PCDHGB2: variants seen among roughly 807,000 people sequenced by gnomAD.
PCDHGB2 encodes the protein protocadherin gamma subfamily B, 2.
Under a neutral mutation model 59.3 loss-of-function variants are expected in PCDHGB2, and 55 were observed. The ratio of observed to expected loss-of-function variants is 0.93; its 90% CI spans 0.75 to 1.16. PCDHGB2 has a LOEUF of 1.16. PCDHGB2 is among the 50% of genes most tolerant of loss of function. PCDHGB2 has a pLI of 0.00. For synonymous variants in PCDHGB2, 516 were observed against 512.0 expected (o/e 1.01, Z -0.11); for missense variants, 1,228 against 1,198.5 (o/e 1.02, Z -0.36).
rs202006594 is a variant in PCDHGB2, at chr5:141,477,618, C to A, written c.2422-17189C>A. 15 of 1,614,176 alleles carry A rather than the reference C, an allele frequency of 9.3e-6. No homozygotes were observed. The African/African-American group carries it at 1.3e-4, about 14-fold the overall frequency. ...TCTTTCTTTCTCTTGGAGCAAGGAGCTGAAACCGGGCTAGTGGGTCGCTAT... is the reference window on the plus strand; with the variant it reads ...TCTTTCTTTCTCTTGGAGCAAGGAGATGAAACCGGGCTAGTGGGTCGCTAT... On this transcript the variant is annotated intron_variant, in intron 1 of 3. Coordinates refer to ENST00000522605, the MANE Select transcript of PCDHGB2 (RefSeq NM_018923.3). The surrounding 1 kb of genome is among the most constrained non-coding windows in gnomAD (Gnocchi z 4.9).
At position 141,477,290 on chromosome 5, in the gene PCDHGB2, C is replaced by T; in HGVS notation, c.2422-17517C>T. 5 of 1,614,158 alleles carry T rather than the reference C, an allele frequency of 3.1e-6. No individual in the cohort carries two copies. In the South Asian group the frequency reaches 5.5e-5, roughly 18 times the overall value. On this transcript the variant is annotated intron_variant, in intron 1 of 3. Coordinates refer to ENST00000522605, the MANE Select transcript of PCDHGB2 (RefSeq NM_018923.3). The surrounding 1 kb of genome is among the most constrained non-coding windows in gnomAD (Gnocchi z 4.9). ...GAACGGGCTGGTGACCTGCGAAGTT[C>T]CACCGGGTCTCCCTTTCAGCCTTAC...
Position 141,397,017 on chromosome 5 carries a change from G to T in PCDHGB2, c.2421+34461G>T, listed in dbSNP as rs149652099. On this transcript the variant is annotated intron_variant, in intron 1 of 3. Transcript: ENST00000522605. ...TAATCTGACAAATGGACTAAAGAAG[G>T]TTGACCAATGTCCACAAATTTATGT... Among the ~76,000 whole-genome samples, 399 of 152,296 alleles carry T rather than the reference G, an allele frequency of 2.6e-3. 1 individual carries two copies. Among genetic ancestry groups the T allele is most frequent in the Non-Finnish European group, 4.1e-3 (279 of 68,028 alleles).
At chr5:141,420,722 A>G (rs1428516588) in intron 1 of PCDHGB2, among the ~76,000 whole-genome samples, 1 of 152,226 alleles carries the variant, frequency 6.6e-6, no homozygotes, top group African/African-American at 2.4e-5. Context: ...CGTTCCTTTC[A>G]GTCGGTTAAA....
chr5:141,382,954 C>T, intron 1 of PCDHGB2: 1 of 1,604,450 alleles, frequency 6.2e-7, no homozygotes, highest in East Asian at 2.2e-5. Flanking sequence ...GCTCTCCATC[C>T]TCCTGGGGAC....
intron 1 of PCDHGB2, chr5:141,420,333 A>G (rs778366534): frequency 2.1e-6 from 3 of 1,402,720 alleles, no homozygotes; most frequent in Non-Finnish European, 2.9e-6. Flanking sequence ...ATATATTCCA[A>G]TATAGTGGTA....
rs753372015 is a variant in PCDHGB2 at position 141,422,180 on chromosome 5, T to C, written c.2421+59624T>C. The stretch of plus-strand genomic sequence containing the variant: ...TTTGAAAAATATAGATTCTATGAGA[T>C]GGAAATTCAAGGCCAAGATGGTGGA... On this transcript the variant is annotated intron_variant, in intron 1 of 3. Coordinates refer to ENST00000522605, the MANE Select transcript of PCDHGB2 (RefSeq NM_018923.3). 1.1e-5 allele frequency: 17 copies of C among 1,562,190 alleles called. No homozygotes were observed. In the African/African-American group the frequency reaches 1.9e-4, roughly 18 times the overall value.
intron 1 of PCDHGB2, among the ~76,000 whole-genome samples, chr5:141,382,008 T>C (rs2150196645): frequency 6.6e-6 from 1 of 151,992 alleles, no homozygotes; most frequent in Middle Eastern, 3.4e-3. Context: ...TTTGTATTTT[T>C]AGTAGAGACG....
intron 1 of PCDHGB2, among the ~76,000 whole-genome samples, chr5:141,461,100 T>C (rs926482549): frequency 1.1e-4 from 16 of 152,062 alleles, no homozygotes; most frequent in African/African-American, 3.6e-4. Context: ...TATAAACATA[T>C]GTGTCCAAGT....
At position 141,414,415 on chromosome 5, in the gene PCDHGB2, C is replaced by T. The variant is rs769791452; in HGVS notation, c.2421+51859C>T. ...TTACAGATTGGTGATACACAGAGCC[C>T]TTGACAGGGAACAGGTATCCTCTTA... On this transcript the variant is annotated intron_variant, in intron 1 of 3. Coordinates refer to ENST00000522605, the MANE Select transcript of PCDHGB2 (RefSeq NM_018923.3). The T allele has an allele frequency of 2.5e-6, 4 of 1,613,758 alleles. No individual in the cohort carries two copies. Among genetic ancestry groups the T allele is most frequent in the Non-Finnish European group, 8.5e-7 (1 of 1,179,880 alleles).
intron 1 of PCDHGB2, chr5:141,394,982 C>G (rs754667421): frequency 2.7e-5 from 44 of 1,613,866 alleles, no homozygotes; most frequent in Non-Finnish European, 3.6e-5. Context: ...ACAAGTCACG[C>G]CTGCTCCAGG....
At chr5:141,370,842 G>A in intron 1 of PCDHGB2, 1 of 1,614,058 alleles carries the variant, frequency 6.2e-7, no homozygotes, top group Non-Finnish European at 8.5e-7. Context: ...TCTCACTGGA[G>A]CCACATTTGC....
chr5:141,508,599 G>T lies in PCDHGB2; in HGVS notation c.2570-2348G>T, dbSNP rs948748985. On this transcript the variant is annotated intron_variant, in intron 3 of 3. Coordinates refer to ENST00000522605, the MANE Select transcript of PCDHGB2 (RefSeq NM_018923.3). ...CTCGGGGTGCTACTCAGAGATCTTGGGTGCACATAGGACGTGGGTGGGCCG... is the reference window on the plus strand; with the variant it reads ...CTCGGGGTGCTACTCAGAGATCTTGTGTGCACATAGGACGTGGGTGGGCCG... Among the ~76,000 whole-genome samples the T allele has an allele frequency of 3.9e-5, 6 of 152,212 alleles. No individual in the cohort carries two copies. The South Asian group carries it at 1.2e-3, about 32-fold the overall frequency.
Position 141,461,919 on chromosome 5 carries a change from G to T in PCDHGB2, c.2422-32888G>T, listed in dbSNP as rs10060711. On this transcript the variant is annotated intron_variant, in intron 1 of 3. Transcript: ENST00000522605. Reference sequence around the variant, plus strand: ...GCTCACTGCAACCTCTGCCTCCTGGGTTCCAGCAATTCTCCTGCCTCAACC... The same window carrying T: ...GCTCACTGCAACCTCTGCCTCCTGGTTTCCAGCAATTCTCCTGCCTCAACC... 5.4e-3 allele frequency among the ~76,000 whole-genome samples: 815 copies of T among 152,214 alleles called. 11 individuals are homozygous for T. Among genetic ancestry groups the T allele is most frequent in the African/African-American group, 0.019 (780 of 41,542 alleles).
chr5:141,441,739 C>T, intron 1 of PCDHGB2: 1 of 365,272 alleles, frequency 2.7e-6, no homozygotes, highest in South Asian at 2.2e-5. Context: ...GACTAGCTCG[C>T]GCTCGGCGTC....
chr5:141,361,464 C>T lies in PCDHGB2; in HGVS notation c.1329C>T (p.Ser443=), dbSNP rs1214574906. ...SSSIIVTLHI[S]DVNDNAPVFQ... ...GCATAATTGTCACCCTGCACATCTC[C>T]GACGTCAACGATAATGCCCCAGTTT... Residue 443 remains serine, a synonymous_variant, in exon 1 of 4, where the codon TCC becomes TCT. Coordinates refer to ENST00000522605, the MANE Select transcript of PCDHGB2 (RefSeq NM_018923.3). The T allele has an allele frequency of 5.6e-6, 9 of 1,613,932 alleles. No homozygotes were observed. Among genetic ancestry groups the T allele is most frequent in the Middle Eastern group, 3.3e-4 (2 of 6,084 alleles).
At chr5:141,492,487 C>G (rs1031047955) in intron 1 of PCDHGB2, among the ~76,000 whole-genome samples, 1 of 152,222 alleles carries the variant, frequency 6.6e-6, no homozygotes, top group Non-Finnish European at 1.5e-5. Flanking sequence ...CGCCCAGGAC[C>G]AGGCGAGGAC....
intron 1 of PCDHGB2, chr5:141,384,866 C>T: frequency 6.2e-7 from 1 of 1,613,720 alleles, no homozygotes; most frequent in African/African-American, 1.3e-5. Flanking sequence ...CCTCTGTCAG[C>T]CACCGTCACA....
At chr5:141,413,202 G>T (rs768256888) in intron 1 of PCDHGB2, 19 of 1,612,062 alleles carry the variant, frequency 1.2e-5, no homozygotes, top group Non-Finnish European at 1.6e-5. Flanking sequence ...ATCGCTCAAA[G>T]GAATCAAAGG....
intron 1 of PCDHGB2, chr5:141,421,710 A>G (rs781498853): frequency 1.2e-6 from 2 of 1,613,940 alleles, no homozygotes; most frequent in South Asian, 2.2e-5. Flanking sequence ...CTAGGGATCC[A>G]GATGTGGGCG....
Sources: gnomAD v4.1 joint callset for allele counts (sites outside exome capture counted in the v4.1 genomes callset) on GRCh38, gnomAD v4.1.1 for gene constraint, Gnocchi (gnomAD v3.1) non-coding constraint, MANE v1.5 for transcripts, NCBI Gene and HGNC (gene_info 2026-07-23, HGNC 2026-07-21) for gene names.